Variants in FAF2 observed in about 807,000 individuals in gnomAD.
FAF2 encodes the protein Fas associated factor family member 2.
A neutral mutation model predicts 62.3 loss-of-function variants in FAF2; 9 were observed. That is an observed-to-expected ratio of 0.14 (90% CI 0.09 to 0.25). The LOEUF (loss-of-function observed/expected upper bound fraction) is 0.25, where lower values mean the gene tolerates loss of function less well. FAF2 is among the 10% of genes least tolerant of loss of function. FAF2 has a pLI of 1.00. For missense variants in FAF2, 368 were observed against 556.2 expected (o/e 0.66, Z 3.40); for synonymous variants, 202 against 198.0 (o/e 1.02, Z -0.17).
At chr5:176,458,404 CTTCCTTT>C (rs1203632931) in intron 1 of FAF2, among the ~76,000 whole-genome samples, 1 of 29,270 alleles carries the variant, frequency 3.4e-5, no homozygotes, top group African/African-American at 1.5e-4. Flanking sequence ...TTTTCTTTTT[CTTCCTTT>C]TTTTTTTTTT....
At chr5:176,467,998 CTA>C (rs746167590) in intron 1 of FAF2, among the ~76,000 whole-genome samples, 1 of 151,978 alleles carries the variant, frequency 6.6e-6, no homozygotes, top group Non-Finnish European at 1.5e-5. Context: ...AACCCTGTCT[CTA>C]TTAAAAATAC....
chr5:176,476,862 T>G (rs1474540698), intron 1 of FAF2, among the ~76,000 whole-genome samples: 1 of 142,672 alleles, frequency 7.0e-6, no homozygotes, highest in Non-Finnish European at 1.5e-5. Context: ...CAGGCTGGAG[T>G]GCAGTGGCGC....
In FAF2 at chr5:176,494,298, C is replaced by CATTGAG. The variant is rs772572483; in HGVS notation, c.661+28_661+33dup. 6.4e-7 allele frequency: 1 copy of CATTGAG among 1,571,306 alleles called. No individual in the cohort carries two copies. The highest frequency in any genetic ancestry group is 1.1e-5 in the South Asian group (1 of 90,152). On this transcript the variant is annotated intron_variant, in intron 7 of 10. Transcript: ENST00000261942. The surrounding 1 kb of genome is among the most constrained non-coding windows in gnomAD (Gnocchi z 4.0). ...GGGGTAAGTTATGTTTCTTCTGCCT[C>CATTGAG]ATTGAGATTGTTGGAGTATCTTTGG...
chr5:176,481,516 G>C (rs1170506104), intron 2 of FAF2, among the ~76,000 whole-genome samples: 1 of 152,052 alleles, frequency 6.6e-6, no homozygotes. Context: ...AATTAGCCAG[G>C]TGTGGTGGTG....
intron 1 of FAF2, among the ~76,000 whole-genome samples, chr5:176,471,995 T>G (rs1337872340): frequency 2.0e-5 from 3 of 152,046 alleles, no homozygotes; most frequent in Non-Finnish European, 4.4e-5. Flanking sequence ...CTGTACATTC[T>G]CATCACCTGT....
intron 10 of FAF2, among the ~76,000 whole-genome samples, chr5:176,500,459 G>C (rs879357636): frequency 6.6e-6 from 1 of 152,034 alleles, no homozygotes. Flanking sequence ...AAGATGGGAG[G>C]CTCTTCCATG....
intron 3 of FAF2, among the ~76,000 whole-genome samples, chr5:176,487,238 G>A (rs1310339807): frequency 1.3e-5 from 2 of 152,170 alleles, no homozygotes; most frequent in Admixed American, 6.6e-5. Context: ...AGCCTGGAGT[G>A]CAGTGGCATG....
At position 176,507,001 on chromosome 5, in the gene FAF2, A is replaced by T; in HGVS notation, c.*51A>T. ...ACCCCAGTCCCTAAAAGAAATGGGG[A>T]AAAAAGAAAACAACAGCAAGTCAGA... is the stretch of plus-strand genomic sequence containing the variant. On this transcript the variant is annotated 3_prime_UTR_variant, in exon 11 of 11. Coordinates refer to ENST00000261942, the MANE Select transcript of FAF2 (RefSeq NM_014613.3). The T allele has an allele frequency of 7.8e-7, 1 of 1,284,132 alleles. No individual in the cohort carries two copies. Among genetic ancestry groups the T allele is most frequent in the Non-Finnish European group, 1.0e-6 (1 of 983,902 alleles). The allele number at this position is 1,284,132 out of a possible 1,614,324, so 79.5% of individuals were successfully genotyped here.
chr5:176,489,001 C>T lies in FAF2; in HGVS notation c.318C>T (p.Thr106=). ...YYLIMLPFRF[T]YYTILDIFRF... ...TGATAATGCTTCCATTCCGGTTTAC[C>T]TATTACACGATACTTGATATATTTA... is the stretch of plus-strand genomic sequence containing the variant. Residue 106 remains threonine, a synonymous_variant, in exon 4 of 11, where the codon ACC becomes ACT. Coordinates refer to ENST00000261942, the MANE Select transcript of FAF2 (RefSeq NM_014613.3). 1 of 1,613,736 alleles carries T rather than the reference C, an allele frequency of 6.2e-7. No individual in the cohort carries two copies. The highest frequency in any genetic ancestry group is 8.5e-7 in the Non-Finnish European group (1 of 1,179,792).
At chr5:176,506,152 T>C (rs186971058) in intron 10 of FAF2, among the ~76,000 whole-genome samples, 25 of 149,306 alleles carry the variant, frequency 1.7e-4, no homozygotes, top group Non-Finnish European at 1.6e-4. Context: ...GATGGCGCCA[T>C]TGCACTCCAT....
intron 3 of FAF2, 57 bp from the exon 4 acceptor site, chr5:176,488,894 T>C: frequency 1.4e-6 from 2 of 1,386,818 alleles, no homozygotes; most frequent in Non-Finnish European, 2.0e-6. Flanking sequence ...ACCTAGCCAT[T>C]TGATAAAATA....
At chr5:176,503,612 A>G (rs1755631403) in intron 10 of FAF2, among the ~76,000 whole-genome samples, 1 of 152,064 alleles carries the variant, frequency 6.6e-6, no homozygotes, top group Non-Finnish European at 1.5e-5. Flanking sequence ...TCCTTTGTAA[A>G]TAATCTCCAG....
At position 176,496,671 on chromosome 5, in the gene FAF2, G is replaced by A. The variant is rs2113744294; in HGVS notation, c.839+8G>A. The A allele has an allele frequency of 1.3e-6, 2 of 1,534,636 alleles. No homozygotes were observed. The highest frequency in any genetic ancestry group is 2.4e-5 in the East Asian group (1 of 41,320). ...GTCAGAACGCCTAGAAAGGTACAAG[G>A]GAGTTCCCTTCTGGAACAGAGAGAG... is the stretch of plus-strand genomic sequence containing the variant. On this transcript the variant is annotated splice_region_variant and intron_variant, in intron 8 of 10. Transcript: ENST00000261942.
rs1346409434 is a variant in FAF2, at chr5:176,462,148, C to T, written c.63+13678C>T. Among the ~76,000 whole-genome samples the T allele has an allele frequency of 2.6e-5, 4 of 151,402 alleles. No homozygotes were observed. The South Asian group carries it at 6.3e-4, about 24-fold the overall frequency. On this transcript the variant is annotated intron_variant, in intron 1 of 10. Transcript: ENST00000261942. ...AAAATCAGCCAGGCGTGGTGGCAAG[C>T]GCCTGTAGTCCCAGCTACTTGAGAG...
At chr5:176,506,315 C>T (rs915428997) in intron 10 of FAF2, among the ~76,000 whole-genome samples, 9 of 151,730 alleles carry the variant, frequency 5.9e-5, no homozygotes, top group Non-Finnish European at 1.3e-4. Context: ...AGTTACATTT[C>T]CTGATTTTGA....
chr5:176,456,565 A>G (rs1453555969), intron 1 of FAF2, among the ~76,000 whole-genome samples: 2 of 48,926 alleles, frequency 4.1e-5, no homozygotes, highest in African/African-American at 2.5e-4. Flanking sequence ...TCCTGAGCTC[A>G]AGCAGTCCAC....
chr5:176,456,576 C>CCA (rs4045162), intron 1 of FAF2, among the ~76,000 whole-genome samples: 125,959 of 151,998 alleles, frequency 0.83, 52,322 homozygotes, highest in African/African-American at 0.9. Flanking sequence ...AGCAGTCCAC[C>CCA]CCTTGGCCTC....
intron 1 of FAF2, among the ~76,000 whole-genome samples, chr5:176,451,923 A>G (rs1184232607): frequency 2.2e-5 from 1 of 45,378 alleles, no homozygotes; most frequent in Non-Finnish European, 4.3e-5. Flanking sequence ...TTTTTTTTTG[A>G]GACAACATAT....
At chr5:176,496,932 A>G (rs1162981383) in intron 8 of FAF2, 1 of 229,380 alleles carries the variant, frequency 4.4e-6, no homozygotes, top group African/African-American at 2.3e-5. Flanking sequence ...CTGAGGCAGG[A>G]GGATTACTTG....
Sources: allele counts gnomAD v4.1 joint callset (sites outside exome capture counted in the v4.1 genomes callset), GRCh38; gene constraint gnomAD v4.1.1; non-coding constraint Gnocchi (gnomAD v3.1); transcripts MANE v1.5; gene names NCBI Gene and HGNC (gene_info 2026-07-23, HGNC 2026-07-21).